DOT1L: variants seen among roughly 807,000 people sequenced by gnomAD.
DOT1L encodes the protein DOT1 like histone lysine methyltransferase.
Under a neutral mutation model 153.3 loss-of-function variants are expected in DOT1L, and 33 were observed. The ratio of observed to expected loss-of-function variants is 0.22; its 90% CI spans 0.16 to 0.29. DOT1L has a LOEUF of 0.29. DOT1L is among the 10% of genes least tolerant of loss of function. The pLI is 1.00. For missense variants in DOT1L, 1,847 were observed against 2,119.9 expected (o/e 0.87, Z 2.53); for synonymous variants, 1,135 against 965.1 (o/e 1.18, Z -3.26).
At chr19:2,175,832 C>T (rs1299708252) in intron 1 of DOT1L, among the ~76,000 whole-genome samples, 1 of 152,180 alleles carries the variant, frequency 6.6e-6, no homozygotes, top group Non-Finnish European at 1.5e-5. Context: ...CGAGACCACA[C>T]CACTGCACTC....
rs765963947 is a variant in DOT1L, at chr19:2,211,089, G to A, written c.1352-10G>A. On this transcript the variant is annotated splice_polypyrimidine_tract_variant and intron_variant, in intron 14 of 27. Transcript: ENST00000398665. ...CGCCCTGTGCTGACGCCTGCCCTCC[G>A]CTCTCCCAGATGCCTACAGATCCCC... 77 of 1,610,086 alleles carry A rather than the reference G, an allele frequency of 4.8e-5. No homozygotes were observed. The highest frequency in any genetic ancestry group is 1.8e-4 in the Admixed American group (11 of 59,792).
At chr19:2,177,127 G>A (rs906773586) in intron 1 of DOT1L, among the ~76,000 whole-genome samples, 2 of 152,292 alleles carry the variant, frequency 1.3e-5, no homozygotes, top group South Asian at 2.1e-4. Context: ...AGACTCCCCC[G>A]TGAGGGGGAG....
In DOT1L at chr19:2,220,729, G is replaced by C. The variant is rs1166797197; in HGVS notation, c.2806+507G>C. On this transcript the variant is annotated intron_variant, in intron 23 of 27. Coordinates refer to ENST00000398665, the MANE Select transcript of DOT1L (RefSeq NM_032482.3). This position sits in a 1 kb window ranked among gnomAD's most constrained non-coding sequence, Gnocchi z 4.5. Reference sequence around the variant, plus strand: ...TTTTGTTGACACTGCAGGCCTGTCTGTTGTGGAAGCCGCAGAGACAGCATG... The same window carrying C: ...TTTTGTTGACACTGCAGGCCTGTCTCTTGTGGAAGCCGCAGAGACAGCATG... 1 of 354,126 alleles carries C rather than the reference G, an allele frequency of 2.8e-6. No homozygotes were observed. Among genetic ancestry groups the C allele is most frequent in the Non-Finnish European group, 5.6e-6 (1 of 177,902 alleles). The allele number at this position is 354,126 out of a possible 1,614,324, so 21.9% of individuals were successfully genotyped here.
chr19:2,181,331 T>C (rs933072577), intron 2 of DOT1L, among the ~76,000 whole-genome samples: 5 of 152,158 alleles, frequency 3.3e-5, no homozygotes, highest in Non-Finnish European at 7.4e-5. Flanking sequence ...GCCACATGTG[T>C]CCATGTGGCC....
Position 2,220,918 on chromosome 19 carries a change from G to A in DOT1L, c.2806+696G>A, listed in dbSNP as rs541654296. ...TGGCCGGGCGTGGTGGCTCATGCCT[G>A]TAATCCCAGCACCTTGGGATGCCGA... On this transcript the variant is annotated intron_variant, in intron 23 of 27. Coordinates refer to ENST00000398665, the MANE Select transcript of DOT1L (RefSeq NM_032482.3). This position sits in a 1 kb window ranked among gnomAD's most constrained non-coding sequence, Gnocchi z 4.5. The A allele has an allele frequency of 1.0e-3, 265 of 259,586 alleles. 5 individuals are homozygous for A. The South Asian group carries it at 0.01, about 10-fold the overall frequency. 16.1% of individuals were successfully genotyped at this position (259,586 alleles called of 1,614,324 possible).
At position 2,222,880 on chromosome 19, in the gene DOT1L, G is replaced by T; in HGVS notation, c.3390+321G>T. 5.1e-6 allele frequency: 2 copies of T among 392,638 alleles called. No homozygotes were observed. Among genetic ancestry groups the T allele is most frequent in the Non-Finnish European group, 9.1e-6 (2 of 220,734 alleles). The allele number at this position is 392,638 out of a possible 1,614,324, so 24.3% of individuals were successfully genotyped here. On this transcript the variant is annotated intron_variant, in intron 24 of 27. Transcript: ENST00000398665. This position sits in a 1 kb window ranked among gnomAD's most constrained non-coding sequence, Gnocchi z 6.5. ...ACAGAGCGAGACTCCCTCTCGGGGGGACAAAAAAAAACACAAAAAAAAACA... is the reference window on the plus strand; with the variant it reads ...ACAGAGCGAGACTCCCTCTCGGGGGTACAAAAAAAAACACAAAAAAAAACA...
At position 2,194,580 on chromosome 19, in the gene DOT1L, G is replaced by C. The variant is rs774964546; in HGVS notation, c.651+3G>C. The stretch of plus-strand genomic sequence containing the variant: ...GAAAAAAGCATGCAGAATACACAGT[G>C]AGTGCCATCGCTCCGCCCCGGCTCC... On this transcript the variant is annotated splice_donor_region_variant and intron_variant, in intron 7 of 27. Coordinates refer to ENST00000398665, the MANE Select transcript of DOT1L (RefSeq NM_032482.3). 6.2e-7 allele frequency: 1 copy of C among 1,611,346 alleles called. No homozygotes were observed.
intron 3 of DOT1L, among the ~76,000 whole-genome samples, chr19:2,189,058 G>A (rs540522495): frequency 2.6e-5 from 4 of 152,186 alleles, no homozygotes; most frequent in South Asian, 4.1e-4. Flanking sequence ...GAGTTGCTGC[G>A]GGGGGACTGA....
chr19:2,227,827 GC>G, intron 27 of DOT1L: 1 of 1,294,866 alleles, frequency 7.7e-7, no homozygotes. Flanking sequence ...GCCACACTGG[GC>G]CCGAGCCCGC....
In DOT1L at chr19:2,210,528, C is replaced by G; in HGVS notation, c.1116+18C>G. ...CCCCCATGGTAAGGCCCCAGCCTGG[C>G]TCCTGCTGCTGGAGGGCACCCGCCC... On this transcript the variant is annotated intron_variant, in intron 13 of 27. Coordinates refer to ENST00000398665, the MANE Select transcript of DOT1L (RefSeq NM_032482.3). 6.3e-7 allele frequency: 1 copy of G among 1,590,150 alleles called. No homozygotes were observed. Among genetic ancestry groups the G allele is most frequent in the South Asian group, 1.1e-5 (1 of 89,274 alleles).
rs2023544195 is a variant in DOT1L, at chr19:2,207,422, T to C, written c.857-152T>C. On this transcript the variant is annotated intron_variant, in intron 10 of 27. Coordinates refer to ENST00000398665, the MANE Select transcript of DOT1L (RefSeq NM_032482.3). This position sits in a 1 kb window ranked among gnomAD's most constrained non-coding sequence, Gnocchi z 4.5. ...AATGGTGCACCTCCCTGGGCCGGCC[T>C]CTGTGGGCCACTGTGGCCTGACGCA... is the stretch of plus-strand genomic sequence containing the variant. 1.5e-6 allele frequency: 1 copy of C among 645,540 alleles called. No homozygotes were observed. The highest frequency in any genetic ancestry group is 2.6e-6 in the Non-Finnish European group (1 of 385,182). The allele number at this position is 645,540 out of a possible 1,614,324, so 40.0% of individuals were successfully genotyped here. A position where few individuals can be genotyped will look rare whatever the true frequency, so the allele number is the denominator to read the frequency against.
Position 2,213,881 on chromosome 19 carries a change from G to A in DOT1L, c.1692G>A (p.Leu564=). The A allele has an allele frequency of 6.2e-7, 1 of 1,613,138 alleles. No individual in the cohort carries two copies. Among genetic ancestry groups the A allele is most frequent in the Non-Finnish European group, 8.5e-7 (1 of 1,180,024 alleles). ...TGAAGGCGCTGACCTACAACGACCT[G>A]ATTCAAGCGCAGAAGGAGATCTCCG... ...LGVKALTYND[L]IQAQKEISAH... is the part of the protein sequence containing the mutation. The change falls in exon 18 of 28, where the codon CTG becomes CTA. Residue 564 remains leucine, a synonymous_variant. Transcript: ENST00000398665.
At chr19:2,183,868 G>A (rs1417229545) in intron 2 of DOT1L, among the ~76,000 whole-genome samples, 2 of 151,930 alleles carry the variant, frequency 1.3e-5, no homozygotes, top group East Asian at 3.9e-4. Context: ...CTCGTGATCC[G>A]CCTGCCTCGG....
chr19:2,216,927 C>T (rs777909874), intron 20 of DOT1L, 28 bp from the exon 21 acceptor site: 35 of 1,594,668 alleles, frequency 2.2e-5, no homozygotes, highest in East Asian at 4.5e-5. Flanking sequence ...CCACGGCCCT[C>T]GAGAGTGACT....
chr19:2,195,720 G>T (rs1160950444), intron 7 of DOT1L, among the ~76,000 whole-genome samples: 1 of 152,192 alleles, frequency 6.6e-6, no homozygotes, highest in East Asian at 1.9e-4. Flanking sequence ...TGGCACAGGG[G>T]TTGCCAAGCT....
chr19:2,222,399 C>G lies in DOT1L; in HGVS notation c.3230C>G (p.Pro1077Arg), dbSNP rs751060049. 6.2e-7 allele frequency: 1 copy of G among 1,610,624 alleles called. No individual in the cohort carries two copies. The highest frequency in any genetic ancestry group is 8.5e-7 in the Non-Finnish European group (1 of 1,178,972). Residue 1077 changes from proline (P) to arginine (R), a missense_variant, in exon 24 of 28, where the codon CCG becomes CGG. Transcript: ENST00000398665. The surrounding 1 kb of genome is among the most constrained non-coding windows in gnomAD (Gnocchi z 6.5). ...LTASARGDCVPSHGQDSRRRG... is the reference protein window; with the variant it reads ...LTASARGDCVRSHGQDSRRRG... ...GCCAGCGCCCGTGGGGACTGTGTGCCGAGCCACGGGCAGGACAGTCGCAGG... is the reference window on the plus strand; with the variant it reads ...GCCAGCGCCCGTGGGGACTGTGTGCGGAGCCACGGGCAGGACAGTCGCAGG...
intron 22 of DOT1L, among the ~76,000 whole-genome samples, chr19:2,218,672 C>T (rs993187980): frequency 1.3e-5 from 2 of 151,278 alleles, no homozygotes; most frequent in Non-Finnish European, 2.9e-5. Flanking sequence ...GGATTACAGG[C>T]GTGAGCCACG....
At chr19:2,188,727 G>A (rs1170005076) in intron 3 of DOT1L, among the ~76,000 whole-genome samples, 3 of 152,190 alleles carry the variant, frequency 2.0e-5, no homozygotes, top group African/African-American at 7.2e-5. Flanking sequence ...CTTCTGAGGT[G>A]GAGGGACAGA....
intron 3 of DOT1L, among the ~76,000 whole-genome samples, chr19:2,186,468 A>G (rs954399342): frequency 6.6e-6 from 1 of 150,478 alleles, no homozygotes; most frequent in Non-Finnish European, 1.5e-5. Context: ...GACAAGGAAG[A>G]CATTCCAGGC....
Sources: allele counts gnomAD v4.1 joint callset (sites outside exome capture counted in the v4.1 genomes callset), GRCh38; gene constraint gnomAD v4.1.1; non-coding constraint Gnocchi (gnomAD v3.1); transcripts MANE v1.5; gene names NCBI Gene and HGNC (gene_info 2026-07-23, HGNC 2026-07-21).